FAM181A: variants seen among roughly 807,000 people sequenced by gnomAD.
FAM181A encodes protein FAM181A.
Under a neutral mutation model 16.3 loss-of-function variants are expected in FAM181A, and 7 were observed. The ratio of observed to expected loss-of-function variants is 0.43; its 90% CI spans 0.24 to 0.81. The LOEUF (loss-of-function observed/expected upper bound fraction) is 0.81, where lower values mean the gene tolerates loss of function less well. FAM181A is among the 30% of genes least tolerant of loss of function. The pLI is 0.24. For synonymous variants in FAM181A, 183 were observed against 164.9 expected (o/e 1.11, Z -0.84); for missense variants, 349 against 377.5 (o/e 0.92, Z 0.63).
chr14:93,925,156 TAAGA>T (rs141007020), upstream of FAM181A: 23,545 of 937,238 alleles, frequency 0.025, 406 homozygotes, highest in Non-Finnish European at 0.031. Flanking sequence ...TACTACTGGC[TAAGA>T]AAGGAGAGAC....
chr14:93,925,886 G>C (rs1887887813), upstream of FAM181A, among the ~76,000 whole-genome samples: 1 of 151,740 alleles, frequency 6.6e-6, no homozygotes, highest in South Asian at 2.1e-4. Context: ...AGATGGCTTG[G>C]AGTCAGGCCA....
At chr14:93,919,731 C>G (rs775205679) in intron 1 of FAM181A, among the ~76,000 whole-genome samples, 2 of 151,990 alleles carry the variant, frequency 1.3e-5, no homozygotes, top group Non-Finnish European at 2.9e-5. Flanking sequence ...TTTCTCGTTG[C>G]CAAAGAGGAC....
rs7141240 is a variant in FAM181A at position 93,919,879 on chromosome 14, A to G, written c.-225+885A>G. ...AGAGGCCTACATTAGAAAACAAGAA[A>G]GATCTCAATCAATGATCAAAGCCAT... is the stretch of plus-strand genomic sequence containing the variant. On this transcript the variant is annotated intron_variant, in intron 1 of 2. Coordinates refer to the FAM181A transcript ENST00000267594. Among the ~76,000 whole-genome samples the G allele has an allele frequency of 9.9e-3, 1,500 of 152,256 alleles. 23 individuals carry two copies. The highest frequency in any genetic ancestry group is 0.034 in the African/African-American group (1,410 of 41,544).
chr14:93,925,706 G>A (rs1224170270), upstream of FAM181A, among the ~76,000 whole-genome samples: 2 of 151,704 alleles, frequency 1.3e-5, no homozygotes, highest in Non-Finnish European at 2.9e-5. Context: ...CGTCAGTCCA[G>A]CGGCACTTCC....
chr14:93,923,109 G>A (rs952678520), upstream of FAM181A, among the ~76,000 whole-genome samples: 1 of 152,034 alleles, frequency 6.6e-6, no homozygotes, highest in Non-Finnish European at 1.5e-5. Context: ...CGAGTAGCTG[G>A]GATTACAGGC....
intron 1 of FAM181A, among the ~76,000 whole-genome samples, chr14:93,920,743 A>T (rs1887694842): frequency 6.6e-6 from 1 of 152,210 alleles, no homozygotes; most frequent in Non-Finnish European, 1.5e-5. Flanking sequence ...ATGGTGAAAG[A>T]CCAAAAGCTT....
At chr14:93,920,029 A>AAAAATAG (rs1887666455) in intron 1 of FAM181A, among the ~76,000 whole-genome samples, 1 of 152,102 alleles carries the variant, frequency 6.6e-6, no homozygotes, top group Non-Finnish European at 1.5e-5. Flanking sequence ...ATAAAAAATA[A>AAAAATAG]AAAAAGAGCT....
upstream of FAM181A, chr14:93,927,193 C>A: frequency 1.3e-6 from 1 of 751,438 alleles, no homozygotes; most frequent in Non-Finnish European, 1.6e-6. Flanking sequence ...TTGTGATGGT[C>A]CCCATGGTGA....
rs533828447 is a variant in FAM181A, at chr14:93,929,410, C to T, written c.*246C>T. On this transcript the variant is annotated 3_prime_UTR_variant, in exon 2 of 2. Coordinates refer to ENST00000556222, the MANE Select transcript of FAM181A (RefSeq NM_001207073.2). Reference sequence around the variant, plus strand: ...GCAGGCCAGGGCCCAGCAGCTTGTCCCGCTGTCCCTGTGCAGACCATAGGT... The same window carrying T: ...GCAGGCCAGGGCCCAGCAGCTTGTCTCGCTGTCCCTGTGCAGACCATAGGT... 3.6e-4 allele frequency: 171 copies of T among 475,676 alleles called. No homozygotes were observed. The highest frequency in any genetic ancestry group is 1.4e-3 in the Admixed American group (37 of 27,048). The allele number at this position is 475,676 out of a possible 1,614,324, so 29.5% of individuals were successfully genotyped here.
chr14:93,926,430 T>C (rs886103003), upstream of FAM181A: 2 of 152,276 alleles, frequency 1.3e-5, no homozygotes, highest in African/African-American at 2.4e-5. The surrounding 1 kb of genome is among the most constrained non-coding windows in gnomAD (Gnocchi z 5.2). Flanking sequence ...GGGGGAGCCA[T>C]GGAAACTGGC....
chr14:93,927,297 C>A (rs1349756605), upstream of FAM181A: 4 of 1,035,030 alleles, frequency 3.9e-6, no homozygotes, highest in Admixed American at 1.7e-4. Flanking sequence ...GCCTGAGGGG[C>A]CCCCCAGCTC....
Position 93,928,522 on chromosome 14 carries a change from G to C in FAM181A, c.237G>C (p.Leu79=). 6.2e-7 allele frequency: 1 copy of C among 1,611,478 alleles called. No homozygotes were observed. Among genetic ancestry groups the C allele is most frequent in the Non-Finnish European group, 8.5e-7 (1 of 1,178,186 alleles). ...GGTCTGAGGACCGGCCCAGGAGGCTGCTCCTGGATTTGGGCCCTGATTCCA... is the reference window on the plus strand; with the variant it reads ...GGTCTGAGGACCGGCCCAGGAGGCTCCTCCTGGATTTGGGCCCTGATTCCA... The part of the protein sequence containing the change: ...KRGSEDRPRR[L]LLDLGPDSSP... Residue 79 remains leucine, a synonymous_variant, in exon 2 of 2, where the codon CTG becomes CTC. Transcript: ENST00000556222.
rs753183165 is a variant in FAM181A at position 93,928,789 on chromosome 14, G to A, written c.504G>A (p.Lys168=). ...GGGAGGGACCTCCCTATGAGGGTAA[G>A]AAAAATTGCAAGGGCTTGGAGCCCC... is the stretch of plus-strand genomic sequence containing the variant. The part of the protein sequence containing the change: ...GPREGPPYEG[K]KNCKGLEPLG... Residue 168 remains lysine (K), a synonymous_variant, in exon 2 of 2, where the codon AAG becomes AAA. Coordinates refer to ENST00000556222, the MANE Select transcript of FAM181A (RefSeq NM_001207073.2). The A allele has an allele frequency of 1.2e-6, 2 of 1,613,986 alleles. No individual in the cohort carries two copies. The highest frequency in any genetic ancestry group is 1.1e-5 in the South Asian group (1 of 91,080).
upstream of FAM181A, among the ~76,000 whole-genome samples, chr14:93,924,738 C>T (rs1171193113): frequency 1.3e-5 from 2 of 152,320 alleles, no homozygotes; most frequent in Non-Finnish European, 2.9e-5. Flanking sequence ...ACGGGAGCTC[C>T]AGGAGGCAAT....
At chr14:93,921,688 T>A (rs1887730590) in intron 1 of FAM181A, among the ~76,000 whole-genome samples, 1 of 152,146 alleles carries the variant, frequency 6.6e-6, no homozygotes, top group Non-Finnish European at 1.5e-5. Context: ...CGAGCTGGTG[T>A]GGTCGGTCGG....
intron 1 of FAM181A, among the ~76,000 whole-genome samples, chr14:93,927,936 G>A (rs569173969): frequency 4.6e-5 from 7 of 152,220 alleles, no homozygotes; most frequent in East Asian, 1.9e-4. Flanking sequence ...CACCTTGGGC[G>A]ACTTGCTTGA....
In FAM181A at chr14:93,928,519, G is replaced by A. The variant is rs374170128; in HGVS notation, c.234G>A (p.Arg78=). Residue 78 remains arginine (R), a synonymous_variant, in exon 2 of 2, where the codon AGG becomes AGA. Transcript: ENST00000556222. ...GGGGGTCTGAGGACCGGCCCAGGAGGCTGCTCCTGGATTTGGGCCCTGATT... is the reference window on the plus strand; with the variant it reads ...GGGGGTCTGAGGACCGGCCCAGGAGACTGCTCCTGGATTTGGGCCCTGATT... ...LKRGSEDRPR[R]LLLDLGPDSS... 3.1e-6 allele frequency: 5 copies of A among 1,611,320 alleles called. No homozygotes were observed. The African/African-American group carries it at 5.3e-5, about 17-fold the overall frequency.
upstream of FAM181A, among the ~76,000 whole-genome samples, chr14:93,922,949 T>C (rs1195395869): frequency 2.0e-5 from 3 of 152,158 alleles, no homozygotes; most frequent in Non-Finnish European, 1.5e-5. Context: ...TAGCCCATAG[T>C]TGTCATGGTT....
At position 93,928,751 on chromosome 14, in the gene FAM181A, G is replaced by C. The variant is rs1456774090; in HGVS notation, c.466G>C (p.Gly156Arg). The C allele has an allele frequency of 3.1e-6, 5 of 1,613,990 alleles. No homozygotes were observed. The highest frequency in any genetic ancestry group is 4.2e-6 in the Non-Finnish European group (5 of 1,179,958). Reference protein sequence around the residue: ...THSYHVGLEGGLGPREGPPYE... With the variant: ...THSYHVGLEGRLGPREGPPYE... The stretch of plus-strand genomic sequence containing the variant: ...CAGCTACCATGTGGGGCTGGAGGGG[G>C]GACTGGGCCCCAGGGAGGGACCTCC... The change falls in exon 2 of 2, where the codon GGA becomes CGA. Residue 156 changes from glycine (G) to arginine (R), a missense_variant. Gly to Arg is a moderately radical substitution (Grantham distance 125). Coordinates refer to ENST00000556222, the MANE Select transcript of FAM181A (RefSeq NM_001207073.2).
Sources: allele counts gnomAD v4.1 joint callset (sites outside exome capture counted in the v4.1 genomes callset), GRCh38; gene constraint gnomAD v4.1.1; non-coding constraint Gnocchi (gnomAD v3.1); transcripts MANE v1.5; gene names NCBI Gene and HGNC (gene_info 2026-07-23, HGNC 2026-07-21).